The following RBFOX1 variants were observed in gnomAD, a reference collection of about 807,000 sequenced individuals.
The protein encoded by RBFOX1 is RNA binding protein fox-1 homolog 1.
RBFOX1 carries 8 observed loss-of-function variants against 57.7 expected under a neutral mutation model. The observed-to-expected ratio is 0.14, with a 90% CI of 0.08 to 0.25. The LOEUF (loss-of-function observed/expected upper bound fraction) is 0.25. Ranked by LOEUF, RBFOX1 falls within the 10% of genes least tolerant of loss-of-function variation. The pLI is 1.00. For missense variants in RBFOX1, 611 were observed against 548.5 expected, an observed-to-expected ratio of 1.11 and a Z score of -1.14; for synonymous variants, 326 against 222.4, an observed-to-expected ratio of 1.47 and a Z score of -4.15.
At chr16:6,978,892 T>C (rs958153547) in intron 3 of RBFOX1, among the ~76,000 whole-genome samples, 1 of 152,198 alleles carries the variant, frequency 6.6e-6, no homozygotes, top group African/African-American at 2.4e-5. Context: ...TGCTTTCGGA[T>C]GCTGCAGAGT....
intron 1 of RBFOX1, among the ~76,000 whole-genome samples, chr16:5,443,827 A>G (rs1011858895): frequency 2.6e-5 from 4 of 152,204 alleles, no homozygotes; most frequent in Non-Finnish European, 5.9e-5. Context: ...ACTTAGAAGA[A>G]TGGTCACCTA....
intron 3 of RBFOX1, among the ~76,000 whole-genome samples, chr16:5,786,949 A>G (rs2054523079): frequency 6.6e-6 from 1 of 152,198 alleles, no homozygotes; most frequent in Non-Finnish European, 1.5e-5. Flanking sequence ...CAGCCTGGCC[A>G]ACATGGTGAA....
chr16:6,776,284 G>A (rs1256349893), intron 3 of RBFOX1, among the ~76,000 whole-genome samples: 1 of 152,038 alleles, frequency 6.6e-6, no homozygotes, highest in East Asian at 1.9e-4. Context: ...GGTGGCGGGT[G>A]CCTGTAGTCC....
chr16:5,423,011 GAAAGGA>G, intron 1 of RBFOX1, among the ~76,000 whole-genome samples: 1 of 110,248 alleles, frequency 9.1e-6, no homozygotes, highest in African/African-American at 3.6e-5. Flanking sequence ...GGAAGGAGGA[GAAAGGA>G]GAGGGAGGAA....
At chr16:6,559,095 C>T (rs901337361) in intron 2 of RBFOX1, among the ~76,000 whole-genome samples, 1 of 146,270 alleles carries the variant, frequency 6.8e-6, no homozygotes, top group Non-Finnish European at 1.5e-5. Flanking sequence ...ACTTTTCCTC[C>T]AGTTTATATA....
At chr16:5,384,714 C>T (rs1295793065) in intron 1 of RBFOX1, among the ~76,000 whole-genome samples, 1 of 152,148 alleles carries the variant, frequency 6.6e-6, no homozygotes, top group East Asian at 1.9e-4. Flanking sequence ...AGGAGGTTCT[C>T]AGGGGTTGGG....
chr16:6,890,653 T>A (rs962846559), intron 3 of RBFOX1, among the ~76,000 whole-genome samples: 14 of 152,216 alleles, frequency 9.2e-5, no homozygotes, highest in African/African-American at 3.4e-4. Context: ...CCTTCCTATC[T>A]AGGGATTTAT....
intron 5 of RBFOX1, among the ~76,000 whole-genome samples, chr16:7,540,651 T>C (rs774494855): frequency 1.3e-5 from 2 of 152,200 alleles, no homozygotes; most frequent in Non-Finnish European, 2.9e-5. Context: ...CTGCTCATGA[T>C]AGTCATGACC....
At chr16:7,155,172 A>C (rs904043690) in intron 4 of RBFOX1, among the ~76,000 whole-genome samples, 1 of 152,190 alleles carries the variant, frequency 6.6e-6, no homozygotes, top group Non-Finnish European at 1.5e-5. Flanking sequence ...GTACTACCAC[A>C]AGATTTATTT....
Position 6,019,581 on chromosome 16 carries a change from C to G in RBFOX1, c.-538C>G. 1 of 1,182,132 alleles carries G rather than the reference C, an allele frequency of 8.5e-7. No individual in the cohort carries two copies. The highest frequency in any genetic ancestry group is 4.1e-5 in the South Asian group (1 of 24,352). The allele number at this position is 1,182,132 out of a possible 1,614,324, so 73.2% of individuals were successfully genotyped here. ...GGCACTGGCTGGACCCACGCGCGCG[C>G]CTCCGGGGCTGAAGAAGGAAGGAGT... On this transcript the variant is annotated 5_prime_UTR_variant, in exon 1 of 16. Coordinates refer to ENST00000550418, the MANE Select transcript of RBFOX1 (RefSeq NM_018723.4). This position sits in a 1 kb window ranked among gnomAD's most constrained non-coding sequence, Gnocchi z 4.2.
At chr16:5,867,638 C>G (rs544829340) in intron 4 of RBFOX1, among the ~76,000 whole-genome samples, 19 of 152,242 alleles carry the variant, frequency 1.2e-4, no homozygotes, top group Admixed American at 2.0e-4. Flanking sequence ...CCAATGAGAC[C>G]TCCACTGTCT....
chr16:6,483,008 G>A (rs1255046265), intron 2 of RBFOX1, among the ~76,000 whole-genome samples: 1 of 152,236 alleles, frequency 6.6e-6, no homozygotes, highest in African/African-American at 2.4e-5. Flanking sequence ...GAAAGAACAA[G>A]GGAAGGGACA....
intron 2 of RBFOX1, among the ~76,000 whole-genome samples, chr16:5,572,843 A>G (rs1254048779): frequency 6.6e-6 from 1 of 152,194 alleles, no homozygotes; most frequent in Non-Finnish European, 1.5e-5. Flanking sequence ...CTATGTAGGA[A>G]TAGAATGAGC....
In RBFOX1 at chr16:5,511,465, C is replaced by A. The variant is rs563840458; in HGVS notation, c.258+44211C>A. On this transcript the variant is annotated intron_variant, in intron 2 of 2. Transcript: ENST00000585867. ...TAAGTCAAGACTAGTCAGATAATAG[C>A]TATTGTTTATTCAACACCAAACATG... Among the ~76,000 whole-genome samples the A allele has an allele frequency of 7.4e-4, 112 of 152,260 alleles. 1 individual carries two copies. The highest frequency in any genetic ancestry group is 1.3e-3 in the Non-Finnish European group (91 of 68,026).
At chr16:7,248,119 A>T (rs536357424) in intron 4 of RBFOX1, among the ~76,000 whole-genome samples, 2 of 152,344 alleles carry the variant, frequency 1.3e-5, no homozygotes, top group South Asian at 4.1e-4. Flanking sequence ...CTGTGAATGA[A>T]GGCAAAGACT....
intron 1 of RBFOX1, among the ~76,000 whole-genome samples, chr16:6,197,854 G>T (rs1164561937): frequency 6.6e-6 from 1 of 151,950 alleles, no homozygotes; most frequent in African/African-American, 2.4e-5. Flanking sequence ...TCGTGTCCAT[G>T]AGTTTCCATC....
chr16:7,622,358 A>G (rs2059441382), intron 10 of RBFOX1, among the ~76,000 whole-genome samples: 1 of 152,212 alleles, frequency 6.6e-6, no homozygotes, highest in Admixed American at 6.5e-5. Context: ...ATACCCAGTG[A>G]TTCTCAGGTA....
At chr16:7,022,822 T>C (rs989926629) in intron 3 of RBFOX1, among the ~76,000 whole-genome samples, 1 of 152,210 alleles carries the variant, frequency 6.6e-6, no homozygotes, top group Non-Finnish European at 1.5e-5. Flanking sequence ...CCTGATTTTA[T>C]ATCCAAGGAA....
chr16:7,343,145 G>A lies in RBFOX1; in HGVS notation c.28-175002G>A, dbSNP rs145002253. On this transcript the variant is annotated intron_variant, in intron 4 of 15. Transcript: ENST00000550418. ...CTGTTCCATGCAGCTCTGGCACACCGTGGGCGCTTAATAAATGTTAAATAA... is the reference window on the plus strand; with the variant it reads ...CTGTTCCATGCAGCTCTGGCACACCATGGGCGCTTAATAAATGTTAAATAA... Among the ~76,000 whole-genome samples, 15 of 152,222 alleles carry A rather than the reference G, an allele frequency of 9.9e-5. No homozygotes were observed. In the East Asian group the frequency reaches 1.2e-3, roughly 12 times the overall value.
Sources: allele counts gnomAD v4.1 joint callset (sites outside exome capture counted in the v4.1 genomes callset), GRCh38; gene constraint gnomAD v4.1.1; non-coding constraint Gnocchi (gnomAD v3.1); transcripts MANE v1.5; gene names NCBI Gene and HGNC (gene_info 2026-07-23, HGNC 2026-07-21).